Variants in EML1 observed in about 807,000 individuals in gnomAD.
The protein encoded by EML1 is EMAP like 1, also known as echinoderm microtubule-associated protein-like 1.
EML1 carries 27 observed loss-of-function variants against 110.4 expected under a neutral mutation model. The observed-to-expected ratio is 0.24, with a 90% CI of 0.18 to 0.34. EML1 has a LOEUF of 0.34. Among genes scored for constraint, EML1 ranks in the 10% least tolerant of loss-of-function variants. The pLI, the probability that EML1 is intolerant of heterozygous loss-of-function variation, is 1.00. For synonymous variants in EML1, 344 were observed against 385.8 expected (o/e 0.89, Z 1.27); for missense variants, 741 against 1,030.9 (o/e 0.72, Z 3.85).
At chr14:99,837,063 C>T (rs1425954617) in intron 1 of EML1, among the ~76,000 whole-genome samples, 1 of 148,754 alleles carries the variant, frequency 6.7e-6, no homozygotes, top group African/African-American at 2.5e-5. Flanking sequence ...CTGATAAGTA[C>T]TCACCAGAAG....
chr14:99,813,345 A>G lies in EML1; in HGVS notation c.67+19802A>G, dbSNP rs114193708. Among the ~76,000 whole-genome samples, 520 of 152,346 alleles carry G rather than the reference A, an allele frequency of 3.4e-3. 7 individuals carry two copies. Among genetic ancestry groups the G allele is most frequent in the African/African-American group, 0.011 (470 of 41,574 alleles). On this transcript the variant is annotated intron_variant, in intron 1 of 21. Coordinates refer to ENST00000262233, the MANE Select transcript of EML1 (RefSeq NM_004434.3). ...CAAATACCCTAACATGTACAATTAT[A>G]TAGTGTTTTTGTTGTAGAAAATATC...
At chr14:99,746,522 G>A (rs2057110305) in intron 1 of EML1, among the ~76,000 whole-genome samples, 1 of 152,144 alleles carries the variant, frequency 6.6e-6, no homozygotes, top group African/African-American at 2.4e-5. Flanking sequence ...CGGATGTGCA[G>A]CATGAAGAGA....
intron 1 of EML1, among the ~76,000 whole-genome samples, chr14:99,752,718 T>A (rs1338622212): frequency 6.6e-6 from 1 of 152,186 alleles, no homozygotes; most frequent in African/African-American, 2.4e-5. Flanking sequence ...GGGCCAATGG[T>A]CTTCCTGTGT....
intron 20 of EML1, among the ~76,000 whole-genome samples, chr14:99,938,584 A>G (rs2060516908): frequency 6.6e-6 from 1 of 151,670 alleles, no homozygotes; most frequent in Non-Finnish European, 1.5e-5. Context: ...CTCCAGGCCC[A>G]CCTGGGCTCA....
At chr14:99,790,915 T>C (rs904929952), upstream of EML1, among the ~76,000 whole-genome samples, 1 of 147,670 alleles carries the variant, frequency 6.8e-6, no homozygotes, top group South Asian at 2.1e-4. Flanking sequence ...TGGAGTGCAG[T>C]GGTGTGATCT....
chr14:99,883,158 C>T (rs2059416541), intron 4 of EML1: 2 of 152,248 alleles, frequency 1.3e-5, no homozygotes, highest in African/African-American at 2.4e-5. Flanking sequence ...GCATGCCTCT[C>T]CAACACATTG....
At chr14:99,742,288 G>C (rs1224853624) in intron 1 of EML1, among the ~76,000 whole-genome samples, 1 of 152,214 alleles carries the variant, frequency 6.6e-6, no homozygotes, top group Non-Finnish European at 1.5e-5. Context: ...TGCCAAGGCT[G>C]GAGGCAGCAA....
upstream of EML1, among the ~76,000 whole-genome samples, chr14:99,769,399 C>T (rs2057400005): frequency 6.6e-6 from 1 of 152,186 alleles, no homozygotes; most frequent in Non-Finnish European, 1.5e-5. Flanking sequence ...TGGAAGCACA[C>T]AGCCCTTCAA....
intron 1 of EML1, among the ~76,000 whole-genome samples, chr14:99,740,130 G>A (rs938222269): frequency 2.6e-5 from 4 of 152,196 alleles, no homozygotes; most frequent in Non-Finnish European, 5.9e-5. Flanking sequence ...GAGATGAGGG[G>A]AGCAGAGGAC....
intron 1 of EML1, among the ~76,000 whole-genome samples, chr14:99,811,681 C>T (rs979058120): frequency 4.0e-5 from 6 of 149,050 alleles, no homozygotes; most frequent in African/African-American, 9.8e-5. Flanking sequence ...CTTTGTGGCA[C>T]GAACCTATAG....
rs909232055 is a variant in EML1 at position 99,909,326 on chromosome 14, G to A, written c.1105-19G>A. Reference sequence around the variant, plus strand: ...GTCTTAAGAGATGTGAGGCATCCGAGTCCCTGTTTTTCCTATAGTGCTCTA... The same window carrying A: ...GTCTTAAGAGATGTGAGGCATCCGAATCCCTGTTTTTCCTATAGTGCTCTA... On this transcript the variant is annotated intron_variant, in intron 10 of 21. Transcript: ENST00000262233. 3 of 1,614,126 alleles carry A rather than the reference G, an allele frequency of 1.9e-6. No homozygotes were observed. Among genetic ancestry groups the A allele is most frequent in the Non-Finnish European group, 2.5e-6 (3 of 1,180,014 alleles).
intron 2 of EML1, among the ~76,000 whole-genome samples, chr14:99,861,447 A>C (rs1799571455): frequency 6.6e-6 from 1 of 152,208 alleles, no homozygotes; most frequent in Non-Finnish European, 1.5e-5. Context: ...GCCTAAATGG[A>C]GGCAGATTTA....
Position 99,938,057 on chromosome 14 carries a change from G to A in EML1, c.2191+145G>A, listed in dbSNP as rs537335001. 1.7e-3 allele frequency: 1,267 copies of A among 753,096 alleles called. 7 individuals are homozygous for A. Among genetic ancestry groups the A allele is most frequent in the Non-Finnish European group, 2.3e-3 (1,037 of 458,168 alleles). The allele number at this position is 753,096 out of a possible 1,614,324, so 46.7% of individuals were successfully genotyped here. A position where few individuals can be genotyped will look rare whatever the true frequency, so the allele number is the denominator to read the frequency against. On this transcript the variant is annotated intron_variant, in intron 20 of 21. Transcript: ENST00000262233. ...AGGCCCATGAGACACACCTCCTGCC[G>A]CACCCTGGGGTAGGGCCTGGGCTTG...
chr14:99,895,835 G>A (rs1283936739), intron 6 of EML1, among the ~76,000 whole-genome samples: 2 of 151,390 alleles, frequency 1.3e-5, no homozygotes, highest in African/African-American at 4.9e-5. Context: ...TAGATGGAAG[G>A]ATCCAGGAGT....
chr14:99,799,965 T>C (rs10138113), intron 1 of EML1, among the ~76,000 whole-genome samples: 6,022 of 152,306 alleles, frequency 0.04, 393 homozygotes, highest in African/African-American at 0.13. Flanking sequence ...TGGCATTTTG[T>C]ACTCCTTACA....
In EML1 at chr14:99,865,550, C is replaced by T. The variant is rs756132735; in HGVS notation, c.287C>T (p.Thr96Met). ...PLMQTLPLRT[T>M]VNNGTVLPKK... Reference sequence around the variant, plus strand: ...ATGCAGACCCTGCCTTTAAGAACCACGGTCAACAATGGCACTGTGTTACCA... The same window carrying T: ...ATGCAGACCCTGCCTTTAAGAACCATGGTCAACAATGGCACTGTGTTACCA... Residue 96 changes from threonine (T) to methionine (M), a missense_variant, in exon 3 of 22, where the codon ACG becomes ATG. By Grantham distance (81) the Thr-to-Met change is moderately conservative. This residue lies in a region of EML1 where 226 missense variants were observed against 255.6 expected (regional missense o/e 0.88). Coordinates refer to ENST00000262233, the MANE Select transcript of EML1 (RefSeq NM_004434.3). 89 of 1,614,098 alleles carry T rather than the reference C, an allele frequency of 5.5e-5. No homozygotes were observed. The highest frequency in any genetic ancestry group is 1.6e-4 in the Middle Eastern group (1 of 6,084).
Position 99,878,524 on chromosome 14 carries a change from T to G in EML1, c.423T>G (p.Pro141=). 6.2e-7 allele frequency: 1 copy of G among 1,614,070 alleles called. No individual in the cohort carries two copies. Reference sequence around the variant, plus strand: ...CCAGCTCTTCTGAACGAGTGTCTCCTGGGGGTCGAAGGGAAAGCAATGGGG... The same window carrying G: ...CCAGCTCTTCTGAACGAGTGTCTCCGGGGGGTCGAAGGGAAAGCAATGGGG... ...KRTSSSERVS[P]GGRRESNGDS... Residue 141 remains proline, a synonymous_variant, in exon 4 of 22, where the codon CCT becomes CCG. Transcript: ENST00000262233.
At chr14:99,798,701 A>G (rs1343575807) in intron 1 of EML1, among the ~76,000 whole-genome samples, 1 of 152,208 alleles carries the variant, frequency 6.6e-6, no homozygotes, top group African/African-American at 2.4e-5. Flanking sequence ...CTATACTTCT[A>G]ATAATGCAGC....
chr14:99,932,036 G>A (rs2060379560), intron 17 of EML1, among the ~76,000 whole-genome samples: 1 of 152,164 alleles, frequency 6.6e-6, no homozygotes. Flanking sequence ...TCCACATCAC[G>A]CACTGGTGGG....
Sources: allele counts gnomAD v4.1 joint callset (sites outside exome capture counted in the v4.1 genomes callset), GRCh38; gene constraint gnomAD v4.1.1; regional missense constraint gnomAD v4.1.1; transcripts MANE v1.5; gene names NCBI Gene and HGNC (gene_info 2026-07-23, HGNC 2026-07-21).